Variants in STK32B observed in about 807,000 individuals in gnomAD.
The protein encoded by STK32B is serine/threonine-protein kinase 32B.
STK32B carries 43 observed loss-of-function variants against 52.6 expected under a neutral mutation model. That is an observed-to-expected ratio of 0.82 (90% CI 0.64 to 1.05). STK32B has a LOEUF of 1.05. Ranked by LOEUF, STK32B falls within the 50% of genes least tolerant of loss-of-function variation. The pLI is 0.00. For synonymous variants in STK32B, 238 were observed against 204.3 expected (o/e 1.17, Z -1.41); for missense variants, 621 against 534.6 (o/e 1.16, Z -1.59).
chr4:5,405,990 A>T (rs1462547511), intron 5 of STK32B, among the ~76,000 whole-genome samples: 3 of 152,202 alleles, frequency 2.0e-5, no homozygotes, highest in African/African-American at 7.2e-5. Context: ...CCAAAGTCTC[A>T]TCTGAGACAA....
At chr4:5,445,767 T>C (rs1715346560) in intron 6 of STK32B, among the ~76,000 whole-genome samples, 1 of 152,174 alleles carries the variant, frequency 6.6e-6, no homozygotes, top group East Asian at 1.9e-4. Flanking sequence ...TTCCAACCCA[T>C]TTGTTTTCAG....
chr4:5,390,429 G>A (rs919201023), intron 4 of STK32B, among the ~76,000 whole-genome samples: 1 of 152,184 alleles, frequency 6.6e-6, no homozygotes, highest in African/African-American at 2.4e-5. Flanking sequence ...GAGGACCCTG[G>A]GAGCTTCACA....
chr4:5,391,151 G>A (rs1736574471), intron 4 of STK32B, among the ~76,000 whole-genome samples: 8 of 151,830 alleles, frequency 5.3e-5, no homozygotes, highest in Admixed American at 4.6e-4. Context: ...AGTAGAGATG[G>A]GGTTTCACCA....
chr4:5,301,261 G>A (rs1729535709), intron 3 of STK32B, among the ~76,000 whole-genome samples: 1 of 151,928 alleles, frequency 6.6e-6, no homozygotes, highest in African/African-American at 2.4e-5. Flanking sequence ...CTTTGGTTTT[G>A]GTGTCAGGAT....
chr4:5,491,014 A>C (rs577269664), intron 11 of STK32B, among the ~76,000 whole-genome samples: 3 of 152,234 alleles, frequency 2.0e-5, no homozygotes, highest in Non-Finnish European at 4.4e-5. Context: ...TGCTATTGTG[A>C]ATAGTGCCAT....
At chr4:5,349,247 C>T (rs1313569733) in intron 4 of STK32B, among the ~76,000 whole-genome samples, 2 of 152,154 alleles carry the variant, frequency 1.3e-5, no homozygotes, top group Non-Finnish European at 2.9e-5. Flanking sequence ...GGCACATGCA[C>T]TCCATCACTG....
Position 5,399,982 on chromosome 4 carries a change from A to G in STK32B, c.472+1738A>G, listed in dbSNP as rs1737185649. ...TCTGGAAGGCTGGGTTCCAGGCAGC[A>G]TCCTCAAGGCTCTGTCCTATTAAGA... On this transcript the variant is annotated intron_variant, in intron 5 of 11. Transcript: ENST00000282908. This position sits in a 1 kb window ranked among gnomAD's most constrained non-coding sequence, Gnocchi z 5.4. Among the ~76,000 whole-genome samples, 1 of 152,176 alleles carries G rather than the reference A, an allele frequency of 6.6e-6. No individual in the cohort carries two copies. The highest frequency in any genetic ancestry group is 6.5e-5 in the Admixed American group (1 of 15,284).
At chr4:5,387,033 G>T (rs934587788) in intron 4 of STK32B, among the ~76,000 whole-genome samples, 1 of 152,200 alleles carries the variant, frequency 6.6e-6, no homozygotes, top group South Asian at 2.1e-4. Flanking sequence ...CCACGTGATC[G>T]TGGCAAGATG....
chr4:5,249,382 G>C (rs1354269199), intron 3 of STK32B, among the ~76,000 whole-genome samples: 4 of 152,028 alleles, frequency 2.6e-5, no homozygotes, highest in Non-Finnish European at 5.9e-5. Context: ...ATTAGTGAAT[G>C]AATTATGACA....
chr4:5,471,623 A>G (rs1354135752), intron 11 of STK32B, among the ~76,000 whole-genome samples: 3 of 152,132 alleles, frequency 2.0e-5, no homozygotes, highest in South Asian at 2.1e-4. Flanking sequence ...AATACAGCCA[A>G]TACAGCTCCC....
At chr4:5,071,233 C>T (rs757247497) in intron 1 of STK32B, among the ~76,000 whole-genome samples, 1 of 151,994 alleles carries the variant, frequency 6.6e-6, no homozygotes, top group African/African-American at 2.4e-5. Flanking sequence ...AAATTGGTCG[C>T]CAGGAAAACA....
intron 3 of STK32B, among the ~76,000 whole-genome samples, chr4:5,198,327 C>T (rs1410307144): frequency 1.3e-5 from 2 of 152,184 alleles, no homozygotes; most frequent in African/African-American, 4.8e-5. Flanking sequence ...TGTGGAAATG[C>T]CTCTTTGACC....
At chr4:5,487,341 G>C (rs1233426519) in intron 11 of STK32B, among the ~76,000 whole-genome samples, 1 of 152,178 alleles carries the variant, frequency 6.6e-6, no homozygotes, top group Non-Finnish European at 1.5e-5. Flanking sequence ...ACATTATCCT[G>C]TTAGGAGACT....
At chr4:5,246,902 G>T (rs113268892) in intron 3 of STK32B, among the ~76,000 whole-genome samples, 5 of 152,162 alleles carry the variant, frequency 3.3e-5, no homozygotes, top group Admixed American at 3.3e-4. Context: ...TTGGTGAGCC[G>T]CAAATGCTGC....
intron 1 of STK32B, among the ~76,000 whole-genome samples, chr4:5,094,196 A>C (rs944855084): frequency 6.6e-6 from 1 of 152,230 alleles, no homozygotes; most frequent in African/African-American, 2.4e-5. Context: ...ACTATATGAA[A>C]ACTTAAAGCA....
chr4:5,180,432 A>G (rs1720265626), intron 3 of STK32B, among the ~76,000 whole-genome samples: 1 of 152,128 alleles, frequency 6.6e-6, no homozygotes, highest in African/African-American at 2.4e-5. Context: ...TCATGTCACT[A>G]GTAAGTGGAG....
At chr4:5,369,326 A>C (rs1297336312) in intron 4 of STK32B, among the ~76,000 whole-genome samples, 1 of 151,986 alleles carries the variant, frequency 6.6e-6, no homozygotes, top group Non-Finnish European at 1.5e-5. Flanking sequence ...CTAGATTTCT[A>C]CATGAGAGAG....
At chr4:5,290,835 A>G (rs980648349) in intron 3 of STK32B, among the ~76,000 whole-genome samples, 1 of 152,294 alleles carries the variant, frequency 6.6e-6, no homozygotes, top group Middle Eastern at 3.4e-3. Flanking sequence ...TGATCTGTAG[A>G]TTCAACACAA....
intron 3 of STK32B, among the ~76,000 whole-genome samples, chr4:5,188,075 A>G (rs1720884024): frequency 6.6e-6 from 1 of 152,318 alleles, no homozygotes; most frequent in Admixed American, 6.5e-5. Flanking sequence ...GACCCCGTGC[A>G]TGAAAGCCCT....
Sources: gnomAD v4.1 joint callset for allele counts (sites outside exome capture counted in the v4.1 genomes callset) on GRCh38, gnomAD v4.1.1 for gene constraint, Gnocchi (gnomAD v3.1) non-coding constraint, MANE v1.5 for transcripts, NCBI Gene and HGNC (gene_info 2026-07-23, HGNC 2026-07-21) for gene names.